P4HA1: variants seen among roughly 807,000 people sequenced by gnomAD.
P4HA1 encodes prolyl 4-hydroxylase subunit alpha 1.
In P4HA1, 24 loss-of-function variants were observed where a neutral mutation model predicts 72.8. The observed-to-expected ratio is 0.33, with a 90% CI of 0.24 to 0.46. The LOEUF is 0.46. Ranked by LOEUF, P4HA1 falls within the 20% of genes least tolerant of loss-of-function variation. The pLI, the probability that P4HA1 is intolerant of heterozygous loss-of-function variation, is 1.00. For synonymous variants in P4HA1, 201 were observed against 218.8 expected (o/e 0.92, Z 0.72); for missense variants, 446 against 640.6 (o/e 0.70, Z 3.28).
chr10:73,096,548 G>A (rs1001743554), intron 1 of P4HA1, among the ~76,000 whole-genome samples: 1 of 152,234 alleles, frequency 6.6e-6, no homozygotes. Context: ...ACAGAGGTGG[G>A]AAGGGGGGCA....
intron 14 of P4HA1, 25 bp from the exon 15 acceptor site, chr10:73,008,317 AT>A (rs771406615): frequency 5.1e-6 from 7 of 1,367,720 alleles, no homozygotes; most frequent in Admixed American, 1.7e-5. Context: ...TAATATATTA[AT>A]TTTCCCCCTT....
chr10:73,027,855 GGGGA>G (rs1198554987), intron 10 of P4HA1, among the ~76,000 whole-genome samples: 2 of 125,448 alleles, frequency 1.6e-5, no homozygotes, highest in Non-Finnish European at 3.3e-5. Flanking sequence ...GGAGAGAGGA[GGGGA>G]GGGAGGGAGA....
At position 73,052,052 on chromosome 10, in the gene P4HA1, C is replaced by T. The variant is rs572867879; in HGVS notation, c.704-803G>A. Among the ~76,000 whole-genome samples the T allele has an allele frequency of 1.4e-4, 22 of 152,144 alleles. No individual in the cohort carries two copies. The South Asian group carries it at 4.6e-3, about 32-fold the overall frequency. Reference sequence around the variant, plus strand: ...CTGAGTGAAGTTCAGTCCCAAATTTCTAAGTAAGAAGGAAAAGGGAAACTA... The same window carrying T: ...CTGAGTGAAGTTCAGTCCCAAATTTTTAAGTAAGAAGGAAAAGGGAAACTA... On this transcript the variant is annotated intron_variant, in intron 6 of 14. Coordinates refer to ENST00000394890, the MANE Select transcript of P4HA1 (RefSeq NM_001017962.3).
intron 9 of P4HA1, among the ~76,000 whole-genome samples, chr10:73,037,235 C>T (rs1840594807): frequency 6.7e-6 from 1 of 149,934 alleles, no homozygotes; most frequent in African/African-American, 2.5e-5. Context: ...ATGACAGGAC[C>T]TGAAGCCAAA....
chr10:73,070,691 CAAGTTTTAT>C (rs1841537286), intron 4 of P4HA1, among the ~76,000 whole-genome samples: 1 of 151,994 alleles, frequency 6.6e-6, no homozygotes, highest in African/African-American at 2.4e-5. Flanking sequence ...ATTTTACAAG[CAAGTTTTAT>C]AAGTTTTATA....
intron 5 of P4HA1, among the ~76,000 whole-genome samples, chr10:73,067,828 C>A (rs1327292394): frequency 1.3e-5 from 2 of 152,088 alleles, no homozygotes; most frequent in African/African-American, 4.8e-5. Flanking sequence ...TCCTGAATTT[C>A]TCCCATCCAA....
chr10:73,019,237 A>G (rs1296472625), intron 10 of P4HA1, among the ~76,000 whole-genome samples: 1 of 152,196 alleles, frequency 6.6e-6, no homozygotes, highest in Non-Finnish European at 1.5e-5. Flanking sequence ...ATAAGAGACT[A>G]CAGTACTGAA....
At chr10:73,045,177 C>G (rs978644121) in intron 8 of P4HA1, 126 bp from the exon 9 acceptor site, 2 of 671,422 alleles carry the variant, frequency 3.0e-6, no homozygotes, top group Non-Finnish European at 5.0e-6. Context: ...CCATACACTT[C>G]CAGTCACCTT....
At chr10:73,084,603 C>G (rs748170694) in intron 1 of P4HA1, among the ~76,000 whole-genome samples, 1 of 152,084 alleles carries the variant, frequency 6.6e-6, no homozygotes, top group African/African-American at 2.4e-5. Flanking sequence ...TGTGAGCCAC[C>G]GTGCCCAGAC....
At chr10:73,052,587 T>A (rs1406523000) in intron 6 of P4HA1, among the ~76,000 whole-genome samples, 1 of 152,220 alleles carries the variant, frequency 6.6e-6, no homozygotes. Context: ...TGAACCAATA[T>A]CTTGATTTAT....
At chr10:73,042,047 A>C (rs112185101) in intron 9 of P4HA1, among the ~76,000 whole-genome samples, 7,949 of 151,878 alleles carry the variant, frequency 0.052, 659 homozygotes, top group African/African-American at 0.18. Context: ...TGGGGTTTTA[A>C]CATGTTGCTC....
chr10:73,032,810 TTTTC>T (rs1460727434), intron 9 of P4HA1, among the ~76,000 whole-genome samples: 1 of 152,146 alleles, frequency 6.6e-6, no homozygotes, highest in African/African-American at 2.4e-5. Flanking sequence ...GTGTGTGGGT[TTTTC>T]TTTAACAAGA....
intron 9 of P4HA1, among the ~76,000 whole-genome samples, chr10:73,037,542 TA>T (rs1840610057): frequency 8.8e-5 from 2 of 22,766 alleles, no homozygotes; most frequent in Admixed American, 6.0e-4. Context: ...TATATATATA[TA>T]TATATATATA....
intron 5 of P4HA1, among the ~76,000 whole-genome samples, chr10:73,057,178 A>C (rs1422158834): frequency 1.3e-5 from 2 of 151,890 alleles, no homozygotes; most frequent in Non-Finnish European, 2.9e-5. Context: ...AGAGATAAAA[A>C]CATGAAATGC....
chr10:73,050,959 G>A, intron 7 of P4HA1, 94 bp downstream of exon 7: 1 of 916,290 alleles, frequency 1.1e-6, no homozygotes, highest in Admixed American at 2.2e-5. Flanking sequence ...TTATCACATA[G>A]GCTTAAATAT....
intron 8 of P4HA1, among the ~76,000 whole-genome samples, chr10:73,045,848 T>C (rs1840844751): frequency 1.3e-5 from 2 of 150,812 alleles, no homozygotes; most frequent in African/African-American, 4.9e-5. Flanking sequence ...GACCAGTCTT[T>C]TGCATTTATA....
At chr10:73,056,725 T>A (rs1376786403) in intron 5 of P4HA1, among the ~76,000 whole-genome samples, 1 of 151,964 alleles carries the variant, frequency 6.6e-6, no homozygotes, top group Non-Finnish European at 1.5e-5. Flanking sequence ...CCAAAAATCA[T>A]AAAGATAACC....
chr10:73,073,661 G>T, intron 3 of P4HA1, 70 bp downstream of exon 3: 1 of 804,632 alleles, frequency 1.2e-6, no homozygotes, highest in Non-Finnish European at 2.2e-6. Context: ...TCTACTTAAA[G>T]AATATTTTAG....
At chr10:73,062,522 G>T (rs1382476732) in intron 5 of P4HA1, among the ~76,000 whole-genome samples, 1 of 152,124 alleles carries the variant, frequency 6.6e-6, no homozygotes, top group Admixed American at 6.5e-5. Flanking sequence ...GAAACTACTG[G>T]TCAAAGACAG....
Sources: gnomAD v4.1 joint callset for allele counts (sites outside exome capture counted in the v4.1 genomes callset) on GRCh38, gnomAD v4.1.1 for gene constraint, MANE v1.5 for transcripts, NCBI Gene and HGNC (gene_info 2026-07-23, HGNC 2026-07-21) for gene names.